SET: variants seen among roughly 807,000 people sequenced by gnomAD.
SET encodes the protein protein SET.
Under a neutral mutation model 39.0 loss-of-function variants are expected in SET, and 4 were observed. That is an observed-to-expected ratio of 0.10 (90% CI 0.05 to 0.23). SET has a LOEUF of 0.23. Among genes scored for constraint, SET ranks in the 10% least tolerant of loss-of-function variants. The pLI is 1.00. For missense variants in SET, 137 were observed against 329.7 expected (o/e 0.42, Z 4.53); for synonymous variants, 114 against 115.9 (o/e 0.98, Z 0.11).
chr9:128,685,802 TGG>T (rs1861263085), upstream of SET, among the ~76,000 whole-genome samples: 1 of 151,890 alleles, frequency 6.6e-6, no homozygotes, highest in African/African-American at 2.4e-5. Flanking sequence ...GAGGCCGAGG[TGG>T]GCAGATCACC....
At chr9:128,685,150 C>T (rs1197389617), upstream of SET, 2 of 1,582,196 alleles carry the variant, frequency 1.3e-6, no homozygotes, top group Non-Finnish European at 1.7e-6. Flanking sequence ...TACTGGGTCT[C>T]AGTCCCTTTT....
rs765523439 is a variant in SET, at chr9:128,689,621, C to T, written c.39C>T (p.Leu13=). The T allele has an allele frequency of 2.0e-5, 27 of 1,365,982 alleles. No homozygotes were observed. Among genetic ancestry groups the T allele is most frequent in the African/African-American group, 1.8e-4 (12 of 66,330 alleles). The allele number at this position is 1,365,982 out of a possible 1,614,324, so 84.6% of individuals were successfully genotyped here. ...CGGCCAAAGTCAGTAAAAAGGAGCTCAACTCCAACCACGACGGGGCCGACG... is the reference window on the plus strand; with the variant it reads ...CGGCCAAAGTCAGTAAAAAGGAGCTTAACTCCAACCACGACGGGGCCGACG... The part of the protein sequence containing the change: ...APAAKVSKKE[L]NSNHDGADET... The change falls in exon 1 of 8, where the codon CTC becomes CTT. Residue 13 remains leucine (L), a synonymous_variant. Coordinates refer to ENST00000322030, the MANE Select transcript of SET (RefSeq NM_003011.4).
In SET at chr9:128,692,504, T is replaced by C. The variant is rs1861585259; in HGVS notation, c.275-158T>C. On this transcript the variant is annotated intron_variant, in intron 3 of 7. Coordinates refer to ENST00000322030, the MANE Select transcript of SET (RefSeq NM_003011.4). ...TATATTCTAATTGCTTGATGAAAGA[T>C]AGTGACAGTCTGATATTGAGCAATT... 5.4e-6 allele frequency: 3 copies of C among 558,680 alleles called. No homozygotes were observed. The East Asian group carries it at 9.2e-5, about 17-fold the overall frequency. 34.6% of individuals were successfully genotyped at this position (558,680 alleles called of 1,614,324 possible). A position where few individuals can be genotyped will look rare whatever the true frequency, so the allele number is the denominator to read the frequency against.
chr9:128,689,686 C>A (rs1861430915), intron 1 of SET, 31 bp downstream of exon 1: 2 of 777,988 alleles, frequency 2.6e-6, no homozygotes, highest in Non-Finnish European at 3.3e-6. Flanking sequence ...GGCCGGCCCG[C>A]GCCGCCATCT....
At chr9:128,689,171 C>A (rs1478353912), upstream of SET, 12 of 732,160 alleles carry the variant, frequency 1.6e-5, no homozygotes, top group African/African-American at 3.8e-5. Flanking sequence ...CCTCCCCGGC[C>A]GGAGGCGGAG....
At chr9:128,692,251 G>C (rs919667757) in intron 3 of SET, 7 of 381,588 alleles carry the variant, frequency 1.8e-5, no homozygotes, top group East Asian at 9.5e-5. Context: ...TTAGCTGGGC[G>C]TGGTGGCGCG....
In SET at chr9:128,694,892, T is replaced by G. The variant is rs1007207131; in HGVS notation, c.*228T>G. 4.9e-6 allele frequency: 2 copies of G among 404,134 alleles called. No individual in the cohort carries two copies. Among genetic ancestry groups the G allele is most frequent in the African/African-American group, 4.1e-5 (2 of 48,212 alleles). 25.0% of individuals were successfully genotyped at this position (404,134 alleles called of 1,614,324 possible). A position where few individuals can be genotyped will look rare whatever the true frequency, so the allele number is the denominator to read the frequency against. On this transcript the variant is annotated 3_prime_UTR_variant, in exon 8 of 8. Transcript: ENST00000322030. ...TCTACCCCTTTCTGTTCGAAGTTCA[T>G]TTTTATCCCTTCCTGTCTGAACAAA... is the stretch of plus-strand genomic sequence containing the variant.
At chr9:128,689,069 C>T (rs1400502573), upstream of SET, among the ~76,000 whole-genome samples, 1 of 150,236 alleles carries the variant, frequency 6.7e-6, no homozygotes, top group Admixed American at 6.6e-5. Flanking sequence ...TCGCCGCGCG[C>T]CTTCCTCCCA....
chr9:128,683,996 C>A (rs1454260696), exon 1 of SET: 1 of 1,551,704 alleles, frequency 6.4e-7, no homozygotes, highest in Non-Finnish European at 8.7e-7. Flanking sequence ...GCAGGCTTGC[C>A]GAAGAAGGGA....
rs1861713629 is a variant in SET at position 128,695,757 on chromosome 9, A to G, written c.*1093A>G. On this transcript the variant is annotated 3_prime_UTR_variant, in exon 8 of 8. Coordinates refer to ENST00000322030, the MANE Select transcript of SET (RefSeq NM_003011.4). ...GTTCAATTTGCCATTGGTTTCTGAAAGTATTCACATCATTTGGGATACCAG... is the reference window on the plus strand; with the variant it reads ...GTTCAATTTGCCATTGGTTTCTGAAGGTATTCACATCATTTGGGATACCAG... 4.4e-6 allele frequency: 1 copy of G among 227,572 alleles called. No individual in the cohort carries two copies. Among genetic ancestry groups the G allele is most frequent in the Non-Finnish European group, 8.8e-6 (1 of 113,808 alleles). The allele number at this position is 227,572 out of a possible 1,614,324, so 14.1% of individuals were successfully genotyped here.
At chr9:128,688,985 G>T (rs996323490), upstream of SET, among the ~76,000 whole-genome samples, 1 of 151,490 alleles carries the variant, frequency 6.6e-6, no homozygotes, top group Non-Finnish European at 1.5e-5. Flanking sequence ...CCGGCCTGCC[G>T]CGCGCCAGTG....
Position 128,694,691 on chromosome 9 carries a change from C to T in SET, c.*27C>T, listed in dbSNP as rs374784143. The T allele has an allele frequency of 2.0e-5, 28 of 1,394,262 alleles. 1 individual carries two copies. Among genetic ancestry groups the T allele is most frequent in the Non-Finnish European group, 2.6e-5 (27 of 1,021,662 alleles). The allele number at this position is 1,394,262 out of a possible 1,614,324, so 86.4% of individuals were successfully genotyped here. A position where few individuals can be genotyped will look rare whatever the true frequency, so the allele number is the denominator to read the frequency against. On this transcript the variant is annotated 3_prime_UTR_variant, in exon 8 of 8. Coordinates refer to ENST00000322030, the MANE Select transcript of SET (RefSeq NM_003011.4). ...TAGAACACTGATGGATTCCAACCTT[C>T]CTTTTTTTAAATTTTCTCCAGTCCC... is the stretch of plus-strand genomic sequence containing the variant.
upstream of SET, among the ~76,000 whole-genome samples, chr9:128,686,925 G>A (rs1861302287): frequency 6.6e-6 from 1 of 152,188 alleles, no homozygotes; most frequent in Non-Finnish European, 1.5e-5. Context: ...AGGCTGCAGT[G>A]AGCCATGGTT....
At chr9:128,685,155 C>T (rs1478579287), upstream of SET, 3 of 1,585,708 alleles carry the variant, frequency 1.9e-6, no homozygotes, top group Non-Finnish European at 2.6e-6. Flanking sequence ...GGTCTCAGTC[C>T]CTTTTCCTCC....
upstream of SET, among the ~76,000 whole-genome samples, chr9:128,685,970 T>C (rs1391792088): frequency 6.6e-6 from 1 of 151,182 alleles, no homozygotes; most frequent in South Asian, 2.1e-4. Flanking sequence ...GAGGTTGCAA[T>C]GAGCCGAGTT....
At chr9:128,692,421 A>AC (rs1861579692) in intron 3 of SET, 3 of 249,726 alleles carry the variant, frequency 1.2e-5, no homozygotes, top group African/African-American at 6.9e-5. Context: ...AAAAAAAAAA[A>AC]ACCTCAAAGA....
At position 128,695,593 on chromosome 9, in the gene SET, G is replaced by C. The variant is rs1212213729; in HGVS notation, c.*929G>C. On this transcript the variant is annotated 3_prime_UTR_variant, in exon 8 of 8. Transcript: ENST00000322030. ...TACTATGACCTTCCAAGTTTGACTT[G>C]TATAACATCACTGTCAAACTTTGTC... The C allele has an allele frequency of 8.9e-6, 2 of 224,064 alleles. No individual in the cohort carries two copies. The highest frequency in any genetic ancestry group is 1.8e-5 in the Non-Finnish European group (2 of 111,404). The allele number at this position is 224,064 out of a possible 1,614,324, so 13.9% of individuals were successfully genotyped here.
At chr9:128,686,595 T>A (rs1861291899), upstream of SET, among the ~76,000 whole-genome samples, 1 of 152,090 alleles carries the variant, frequency 6.6e-6, no homozygotes, top group African/African-American at 2.4e-5. Flanking sequence ...GAAATTAGAA[T>A]CACATCACCC....
At chr9:128,685,007 G>A, upstream of SET, 1 of 1,450,622 alleles carries the variant, frequency 6.9e-7, no homozygotes, top group Non-Finnish European at 9.1e-7. Flanking sequence ...AGCCTTCCTG[G>A]GCTGGGTGTG....
Sources: allele counts gnomAD v4.1 joint callset (sites outside exome capture counted in the v4.1 genomes callset), GRCh38; gene constraint gnomAD v4.1.1; transcripts MANE v1.5; gene names NCBI Gene and HGNC (gene_info 2026-07-23, HGNC 2026-07-21).